Variants in CARMIL1 observed in about 807,000 individuals in gnomAD.
CARMIL1 encodes the protein capping protein regulator and myosin 1 linker 1.
Under a neutral mutation model 177.1 loss-of-function variants are expected in CARMIL1, and 90 were observed. That is an observed-to-expected ratio of 0.51 (90% CI 0.43 to 0.61). The LOEUF (loss-of-function observed/expected upper bound fraction) is 0.61. Among genes scored for constraint, CARMIL1 ranks in the 20% least tolerant of loss-of-function variants. The probability of loss-of-function intolerance (pLI) is 0.00; values close to 1 mark genes in which losing one functional copy is unlikely to be tolerated. For synonymous variants in CARMIL1, 577 were observed against 606.2 expected (o/e 0.95, Z 0.71); for missense variants, 1,380 against 1,667.0 (o/e 0.83, Z 3.00).
intron 8 of CARMIL1, among the ~76,000 whole-genome samples, chr6:25,465,289 G>A (rs1413868167): frequency 1.3e-5 from 2 of 152,072 alleles, no homozygotes; most frequent in Admixed American, 6.5e-5. Flanking sequence ...CTTTGGGTGG[G>A]GGCCAAGGTG....
At position 25,284,860 on chromosome 6, in the gene CARMIL1, A is replaced by G; in HGVS notation, c.89A>G (p.Lys30Arg). 1 of 1,574,500 alleles carries G rather than the reference A, an allele frequency of 6.4e-7. No homozygotes were observed. Residue 30 changes from lysine to arginine, a missense_variant, in exon 2 of 37, where the codon AAG (lysine) becomes AGG (arginine). Lys to Arg is a conservative substitution (Grantham distance 26). Coordinates refer to ENST00000329474, the MANE Select transcript of CARMIL1 (RefSeq NM_017640.6). ...AGAAAGATAAAAATTTCAGTGAAGA[A>G]GAAAGTAAAGTTGGAAGTTAAGGGA... ...IGRKIKISVK[K>R]KVKLEVKGDK...
intron 8 of CARMIL1, chr6:25,451,992 C>CCCCCCCCA (rs1798985014): frequency 1.3e-5 from 1 of 74,954 alleles, no homozygotes; most frequent in African/African-American, 4.8e-5. Context: ...TCTTGCCCCC[C>CCCCCCCCA]CCTCCCCCCC....
intron 26 of CARMIL1, among the ~76,000 whole-genome samples, chr6:25,540,541 C>T (rs112907684): frequency 1.9e-3 from 286 of 152,072 alleles, no homozygotes; most frequent in African/African-American, 6.5e-3. Context: ...AATTACAAGG[C>T]ACCCAAGGTT....
chr6:25,579,897 T>C (rs896181378), intron 29 of CARMIL1, among the ~76,000 whole-genome samples: 7 of 152,212 alleles, frequency 4.6e-5, no homozygotes, highest in African/African-American at 9.7e-5. Flanking sequence ...TTCAATCATG[T>C]AGATTGTTTT....
chr6:25,614,176 C>A (rs1816714348), intron 36 of CARMIL1, among the ~76,000 whole-genome samples: 1 of 152,168 alleles, frequency 6.6e-6, no homozygotes, highest in Non-Finnish European at 1.5e-5. Context: ...TTGGAGCCTG[C>A]CTTCTCAGCC....
intron 2 of CARMIL1, among the ~76,000 whole-genome samples, chr6:25,378,357 C>T (rs1285339925): frequency 1.3e-5 from 2 of 152,206 alleles, no homozygotes; most frequent in African/African-American, 4.8e-5. Context: ...TCTCCCTACA[C>T]AGCAGGGGCA....
At chr6:25,533,647 A>G (rs1807988265) in intron 24 of CARMIL1, among the ~76,000 whole-genome samples, 1 of 151,116 alleles carries the variant, frequency 6.6e-6, no homozygotes, top group South Asian at 2.1e-4. Context: ...TCCTTCTGCC[A>G]CTCTTGTGTC....
At chr6:25,445,416 A>G (rs1798131892) in intron 5 of CARMIL1, among the ~76,000 whole-genome samples, 1 of 152,168 alleles carries the variant, frequency 6.6e-6, no homozygotes, top group African/African-American at 2.4e-5. Flanking sequence ...GTGAGTCATG[A>G]ATGTTCTCAA....
rs200046889 is a variant in CARMIL1, at chr6:25,604,584, C to T, written c.3553-228C>T. Among the ~76,000 whole-genome samples the T allele has an allele frequency of 3.9e-5, 6 of 152,140 alleles. No homozygotes were observed. The East Asian group carries it at 9.6e-4, about 24-fold the overall frequency. On this transcript the variant is annotated intron_variant, in intron 33 of 36. Transcript: ENST00000329474. ...TGAGGAGCCTTCCGAGGAACCAAACCGGCCACACTTTGGACCCCAGAGTCC... is the reference window on the plus strand; with the variant it reads ...TGAGGAGCCTTCCGAGGAACCAAACTGGCCACACTTTGGACCCCAGAGTCC...
intron 8 of CARMIL1, among the ~76,000 whole-genome samples, chr6:25,456,848 G>A (rs1157873588): frequency 6.6e-6 from 1 of 152,062 alleles, no homozygotes. Flanking sequence ...ATGCTTTTTT[G>A]TGTTGTCATA....
chr6:25,391,065 T>A (rs72830743), intron 2 of CARMIL1, among the ~76,000 whole-genome samples: 15,223 of 152,300 alleles, frequency 0.1, 810 homozygotes, highest in Non-Finnish European at 0.13. Context: ...GTTGGTTGCG[T>A]GATTTGATTT....
At chr6:25,341,719 ACAACAG>A (rs940149411) in intron 2 of CARMIL1, among the ~76,000 whole-genome samples, 2 of 152,262 alleles carry the variant, frequency 1.3e-5, no homozygotes, top group Non-Finnish European at 2.9e-5. Context: ...CTGTCTCAAA[ACAACAG>A]CAACAACAAC....
intron 2 of CARMIL1, among the ~76,000 whole-genome samples, chr6:25,391,964 A>G (rs1218685305): frequency 2.0e-5 from 3 of 152,204 alleles, no homozygotes; most frequent in African/African-American, 7.2e-5. Context: ...AGAGTTAGAA[A>G]TTAGTTATTA....
At chr6:25,483,174 TCTC>T in intron 12 of CARMIL1, among the ~76,000 whole-genome samples, 1 of 152,176 alleles carries the variant, frequency 6.6e-6, no homozygotes, top group African/African-American at 2.4e-5. Flanking sequence ...GGCCTGTGCT[TCTC>T]TCTATTTATC....
At chr6:25,619,023 C>T (rs75095625) in intron 36 of CARMIL1, among the ~76,000 whole-genome samples, 2,638 of 152,282 alleles carry the variant, frequency 0.017, 52 homozygotes, top group African/African-American at 0.047. Flanking sequence ...TTTGTCCACC[C>T]AGCATCTCCT....
chr6:25,538,597 G>A (rs1322959218), intron 25 of CARMIL1, among the ~76,000 whole-genome samples: 2 of 152,166 alleles, frequency 1.3e-5, no homozygotes, highest in Non-Finnish European at 1.5e-5. Flanking sequence ...AGCATCTTTT[G>A]TTATAGTATT....
At chr6:25,549,570 T>G (rs1809865632) in intron 26 of CARMIL1, among the ~76,000 whole-genome samples, 1 of 152,198 alleles carries the variant, frequency 6.6e-6, no homozygotes, top group South Asian at 2.1e-4. Flanking sequence ...TTTTGGAAAC[T>G]TCTCAAACGG....
chr6:25,405,670 A>G (rs927484216), intron 2 of CARMIL1, among the ~76,000 whole-genome samples: 11 of 152,242 alleles, frequency 7.2e-5, no homozygotes, highest in Admixed American at 1.3e-4. Flanking sequence ...TGACACTTCT[A>G]TGCCTTTCCT....
At chr6:25,605,901 G>C (rs1815915035) in intron 34 of CARMIL1, among the ~76,000 whole-genome samples, 160 bp from the exon 35 acceptor site, 1 of 152,100 alleles carries the variant, frequency 6.6e-6, no homozygotes, top group African/African-American at 2.4e-5. Context: ...AGCATGTTTT[G>C]ATTTTAAAAC....
Sources: allele counts gnomAD v4.1 joint callset (sites outside exome capture counted in the v4.1 genomes callset), GRCh38; gene constraint gnomAD v4.1.1; transcripts MANE v1.5; gene names NCBI Gene and HGNC (gene_info 2026-07-23, HGNC 2026-07-21).